GFAP: variants seen among roughly 807,000 people sequenced by gnomAD.
GFAP encodes intermediate filament protein.
In GFAP, 38 loss-of-function variants were observed where a neutral mutation model predicts 49.3. The observed-to-expected ratio is 0.77, with a 90% CI of 0.60 to 1.01. The LOEUF is 1.01. Among genes scored for constraint, GFAP ranks in the 50% least tolerant of loss-of-function variants. GFAP has a pLI of 0.00. For synonymous variants in GFAP, 222 were observed against 236.4 expected (o/e 0.94, Z 0.56); for missense variants, 463 against 579.1 (o/e 0.80, Z 2.06).
At position 44,905,801 on chromosome 17, in the gene GFAP, C is replaced by T. The variant is rs1444997144; in HGVS notation, c.*1546G>A. ...TCGGCCTTAGAGGGGAGAGGAGAAC[C>T]CTGAAGTGGGCCCTCCCAGTCCCAT... On this transcript the variant is annotated 3_prime_UTR_variant, in exon 9 of 9. Coordinates refer to ENST00000588735, the MANE Select transcript of GFAP (RefSeq NM_002055.5). 1.3e-5 allele frequency: 2 copies of T among 152,442 alleles called. No individual in the cohort carries two copies. The highest frequency in any genetic ancestry group is 2.9e-5 in the Non-Finnish European group (2 of 68,468). The allele number at this position is 152,442 out of a possible 1,614,324, so 9.4% of individuals were successfully genotyped here.
intron 1 of GFAP, 110 bp downstream of exon 1, chr17:44,914,916 G>T: frequency 1.1e-6 from 1 of 906,182 alleles, no homozygotes; most frequent in Non-Finnish European, 1.7e-6. Context: ...GAGGTAGGGA[G>T]GCCCAGGGAG....
intron 8 of GFAP, 74 bp from the exon 9 acceptor site, chr17:44,907,462 C>A: frequency 9.2e-7 from 1 of 1,086,960 alleles, no homozygotes; most frequent in African/African-American, 1.5e-5. Context: ...CACCACGAGG[C>A]TGTGTAACCT....
At position 44,915,144 on chromosome 17, in the gene GFAP, C is replaced by T. The variant is rs56746197; in HGVS notation, c.343G>A (p.Val115Ile). 1.8e-5 allele frequency: 29 copies of T among 1,613,996 alleles called. No homozygotes were observed. In the Middle Eastern group the frequency reaches 4.9e-4, roughly 27 times the overall value. The change falls in exon 1 of 9, where the codon GTC (valine) becomes ATC (isoleucine). Residue 115 changes from valine to isoleucine, a missense_variant. Val to Ile is a conservative substitution (Grantham distance 29, BLOSUM62 3). Around this residue, in one of 3 missense-constraint regions of GFAP, gnomAD observed 362 missense variants for 445.5 expected, o/e 0.81. Coordinates refer to ENST00000588735, the MANE Select transcript of GFAP (RefSeq NM_002055.5). The surrounding 1 kb of genome is among the most constrained non-coding windows in gnomAD (Gnocchi z 4.1). ...AGCTCTCGCAGCTCAGCCTGGTAGA[C>T]GTCTGCCAGCTTGGTGGGCTCCTTG... ...RAKEPTKLAD[V>I]YQAELRELRL...
intron 7 of GFAP, chr17:44,909,226 T>G (rs2051705229): frequency 6.6e-6 from 1 of 152,240 alleles, no homozygotes; most frequent in African/African-American, 2.4e-5. Context: ...GCAAGTTAAT[T>G]GACCTCTCCC....
Position 44,907,127 on chromosome 17 carries a change from T to G in GFAP, c.*220A>C. ...TGCCCCTTGGGGGTGAGTTTCTTGTTAGTTGGAGTTGCTGGGTGCTGGGTG... is the reference window on the plus strand; with the variant it reads ...TGCCCCTTGGGGGTGAGTTTCTTGTGAGTTGGAGTTGCTGGGTGCTGGGTG... On this transcript the variant is annotated 3_prime_UTR_variant, in exon 9 of 9. Coordinates refer to ENST00000588735, the MANE Select transcript of GFAP (RefSeq NM_002055.5). 1 of 603,192 alleles carries G rather than the reference T, an allele frequency of 1.7e-6. No homozygotes were observed. The allele number at this position is 603,192 out of a possible 1,614,324, so 37.4% of individuals were successfully genotyped here. A position where few individuals can be genotyped will look rare whatever the true frequency, so the allele number is the denominator to read the frequency against.
At chr17:44,907,777 C>A in intron 8 of GFAP, 1 of 568,690 alleles carries the variant, frequency 1.8e-6, no homozygotes, top group Non-Finnish European at 3.2e-6. Context: ...AATTCTCTTT[C>A]TCTCCCTGGC....
Position 44,904,016 on chromosome 17 carries a change from G to A in GFAP, c.*3331C>T, listed in dbSNP as rs12952204. 770 of 1,550,666 alleles carry A rather than the reference G, an allele frequency of 5.0e-4. 8 individuals are homozygous for A. The African/African-American group carries it at 9.7e-3, about 19-fold the overall frequency. ...CTGCAAACCCGAAGAGGTGCCAGCT[G>A]TAGTCTGGTTCTACCAAAAGCACCT... On this transcript the variant is annotated 3_prime_UTR_variant, in exon 9 of 9. Transcript: ENST00000588735.
In GFAP at chr17:44,904,577, C is replaced by A; in HGVS notation, c.*2770G>T. ...ACCCTGTGAGAAGACAAAGACCATC[C>A]GGGAGGGCGTGCTGGCCATCATTAA... On this transcript the variant is annotated 3_prime_UTR_variant, in exon 9 of 9. Transcript: ENST00000588735. The A allele has an allele frequency of 6.4e-7, 1 of 1,550,566 alleles. No homozygotes were observed. The highest frequency in any genetic ancestry group is 1.2e-5 in the South Asian group (1 of 84,058).
intron 8 of GFAP, 124 bp from the exon 9 acceptor site, chr17:44,907,512 A>G: frequency 1.4e-6 from 1 of 739,224 alleles, no homozygotes; most frequent in South Asian, 1.5e-5. Flanking sequence ...TTTTCTTGAT[A>G]GTAACCACAG....
rs907033086 is a variant in GFAP at position 44,903,374 on chromosome 17, C to G, written c.*3973G>C. 3.5e-5 allele frequency: 44 copies of G among 1,248,604 alleles called. No individual in the cohort carries two copies. In the African/African-American group the frequency reaches 6.5e-4, roughly 18 times the overall value. The allele number at this position is 1,248,604 out of a possible 1,614,324, so 77.3% of individuals were successfully genotyped here. ...AGCCATCAGCTCAGGTCCAGCCAGC[C>G]TCCCGGATGGCCAGATATGCAGGAG... On this transcript the variant is annotated 3_prime_UTR_variant, in exon 9 of 9. Transcript: ENST00000588735.
Position 44,911,772 on chromosome 17 carries a change from G to C in GFAP, c.806C>G (p.Ala269Gly). 1.9e-6 allele frequency: 3 copies of C among 1,613,756 alleles called. No homozygotes were observed. In the South Asian group the frequency reaches 3.3e-5, roughly 18 times the overall value. The change falls in exon 5 of 9, where the codon GCC becomes GGC. Residue 269 changes from alanine to glycine, a missense_variant. This residue lies in a region of GFAP where 362 missense variants were observed against 445.5 expected (regional missense o/e 0.81). Transcript: ENST00000588735. Reference protein sequence around the residue: ...SKFADLTDAAARNAELLRQAK... With the variant: ...SKFADLTDAAGRNAELLRQAK... ...CTGGCGGAGCAGCTCCGCGTTGCGG[G>C]CAGCAGCGTCTGTCAGGTCTGCAAA...
Position 44,906,732 on chromosome 17 carries a change from C to G in GFAP, c.*615G>C, listed in dbSNP as rs1369553025. 5.8e-6 allele frequency: 1 copy of G among 172,142 alleles called. No individual in the cohort carries two copies. Among genetic ancestry groups the G allele is most frequent in the Non-Finnish European group, 1.3e-5 (1 of 79,420 alleles). The allele number at this position is 172,142 out of a possible 1,614,324, so 10.7% of individuals were successfully genotyped here. ...CTGAGCTGGGCATGGTGGCTCCAAT[C>G]TATAATCCCAGCTACACAGGAGGCT... On this transcript the variant is annotated 3_prime_UTR_variant, in exon 9 of 9. Coordinates refer to ENST00000588735, the MANE Select transcript of GFAP (RefSeq NM_002055.5).
At position 44,904,958 on chromosome 17, in the gene GFAP, G is replaced by T; in HGVS notation, c.*2389C>A. The T allele has an allele frequency of 6.4e-7, 1 of 1,550,700 alleles. No individual in the cohort carries two copies. The highest frequency in any genetic ancestry group is 1.2e-5 in the South Asian group (1 of 84,052). On this transcript the variant is annotated 3_prime_UTR_variant, in exon 9 of 9. Transcript: ENST00000588735. ...GTTCTCAGATCCTGAGACTCGCTCGGCTGTGGAGCTCACCCTGATAGGCTA... is the reference window on the plus strand; with the variant it reads ...GTTCTCAGATCCTGAGACTCGCTCGTCTGTGGAGCTCACCCTGATAGGCTA...
At position 44,903,996 on chromosome 17, in the gene GFAP, A is replaced by G. The variant is rs1462714436; in HGVS notation, c.*3351T>C. The G allele has an allele frequency of 1.3e-6, 2 of 1,550,520 alleles. No individual in the cohort carries two copies. Among genetic ancestry groups the G allele is most frequent in the Admixed American group, 2.0e-5 (1 of 50,992 alleles). On this transcript the variant is annotated 3_prime_UTR_variant, in exon 9 of 9. Coordinates refer to ENST00000588735, the MANE Select transcript of GFAP (RefSeq NM_002055.5). ...AGCTTTGAGCTTCCCTGTCACTGCA[A>G]ACCCGAAGAGGTGCCAGCTGTAGTC... is the stretch of plus-strand genomic sequence containing the variant.
chr17:44,904,195 G>A lies in GFAP; in HGVS notation c.*3152C>T, dbSNP rs1231338244. The A allele has an allele frequency of 9.7e-6, 15 of 1,550,462 alleles. No individual in the cohort carries two copies. Among genetic ancestry groups the A allele is most frequent in the East Asian group, 2.4e-5 (1 of 40,932 alleles). On this transcript the variant is annotated 3_prime_UTR_variant, in exon 9 of 9. Coordinates refer to ENST00000588735, the MANE Select transcript of GFAP (RefSeq NM_002055.5). Reference sequence around the variant, plus strand: ...GGGCTCAGTCTGAGGACTCAGGCCTGTACTTCTGCGGCACCCGCAAGGGGG... The same window carrying A: ...GGGCTCAGTCTGAGGACTCAGGCCTATACTTCTGCGGCACCCGCAAGGGGG...
chr17:44,907,970 C>T (rs548204657), intron 8 of GFAP, 94 bp downstream of exon 8: 3 of 878,516 alleles, frequency 3.4e-6, no homozygotes, highest in East Asian at 2.4e-5. Context: ...TGCTGGGAAC[C>T]TTCTATGTGC....
chr17:44,905,915 A>G lies in GFAP; in HGVS notation c.*1432T>C, dbSNP rs2051646240. ...TGGGGTGGACGTGTCAGCCCTGAGC[A>G]CCCGGCCTCCAGGCTGCAGGAATAT... On this transcript the variant is annotated 3_prime_UTR_variant, in exon 9 of 9. Coordinates refer to ENST00000588735, the MANE Select transcript of GFAP (RefSeq NM_002055.5). The G allele has an allele frequency of 6.6e-6, 1 of 152,244 alleles. No homozygotes were observed. The highest frequency in any genetic ancestry group is 6.5e-5 in the Admixed American group (1 of 15,274). 9.4% of individuals were successfully genotyped at this position (152,244 alleles called of 1,614,324 possible). A position where few individuals can be genotyped will look rare whatever the true frequency, so the allele number is the denominator to read the frequency against.
At chr17:44,912,801 C>G (rs1480540291) in intron 4 of GFAP, 1 of 250,282 alleles carries the variant, frequency 4.0e-6, no homozygotes, top group Non-Finnish European at 7.9e-6. Flanking sequence ...CTCTCTGTGT[C>G]CTGGGGGGTG....
chr17:44,904,599 T>G lies in GFAP; in HGVS notation c.*2748A>C. 6.4e-7 allele frequency: 1 copy of G among 1,550,548 alleles called. No homozygotes were observed. Among genetic ancestry groups the G allele is most frequent in the Non-Finnish European group, 8.7e-7 (1 of 1,146,998 alleles). On this transcript the variant is annotated 3_prime_UTR_variant, in exon 9 of 9. Transcript: ENST00000588735. ...ATCCGGGAGGGCGTGCTGGCCATCA[T>G]TAACTATGTGTCCAAAGTGGGCAGC...
Sources: gnomAD v4.1 joint callset for allele counts on GRCh38, gnomAD v4.1.1 for gene constraint, gnomAD v4.1.1 regional missense constraint, Gnocchi (gnomAD v3.1) non-coding constraint, MANE v1.5 for transcripts, NCBI Gene and HGNC (gene_info 2026-07-23, HGNC 2026-07-21) for gene names.